Variants in ARNT2 observed in about 807,000 individuals in gnomAD.
ARNT2 encodes the protein aryl hydrocarbon receptor nuclear translocator 2.
A neutral mutation model predicts 91.7 loss-of-function variants in ARNT2; 36 were observed. The observed-to-expected ratio is 0.39, with a 90% CI of 0.30 to 0.52. The LOEUF (loss-of-function observed/expected upper bound fraction) is 0.52. Ranked by LOEUF, ARNT2 falls within the 20% of genes least tolerant of loss-of-function variation. The pLI is 0.72. For missense variants in ARNT2, 775 were observed against 939.3 expected (o/e 0.83, Z 2.29); for synonymous variants, 365 against 347.1 (o/e 1.05, Z -0.57).
chr15:80,488,430 C>G (rs763459213), intron 5 of ARNT2: 6 of 152,144 alleles, frequency 3.9e-5, no homozygotes, highest in Admixed American at 6.5e-5. Flanking sequence ...TTTCTTGAAA[C>G]AAGGCATACC....
At chr15:80,491,634 T>C (rs144520107) in intron 5 of ARNT2, among the ~76,000 whole-genome samples, 1 of 152,160 alleles carries the variant, frequency 6.6e-6, no homozygotes, top group Non-Finnish European at 1.5e-5. Flanking sequence ...GTTAACATGA[T>C]CCAATTTGCA....
intron 5 of ARNT2, among the ~76,000 whole-genome samples, chr15:80,489,837 A>G (rs143099601): frequency 2.6e-4 from 40 of 152,206 alleles, no homozygotes; most frequent in Middle Eastern, 6.8e-3. Context: ...AAGAGCATGG[A>G]CTTTCTGCCT....
intron 8 of ARNT2, among the ~76,000 whole-genome samples, chr15:80,520,355 T>C (rs1013333604): frequency 8.5e-5 from 13 of 152,164 alleles, no homozygotes; most frequent in Non-Finnish European, 1.9e-4. Flanking sequence ...ACACTGGATA[T>C]TTTTTATTTC....
At chr15:80,412,307 A>G (rs1353779216) in intron 1 of ARNT2, among the ~76,000 whole-genome samples, 1 of 152,218 alleles carries the variant, frequency 6.6e-6, no homozygotes, top group Admixed American at 6.5e-5. Flanking sequence ...TACAAAGCAG[A>G]GGTTGGAGCT....
intron 8 of ARNT2, among the ~76,000 whole-genome samples, chr15:80,522,990 A>G (rs1050503998): frequency 6.6e-6 from 1 of 152,110 alleles, no homozygotes; most frequent in African/African-American, 2.4e-5. Context: ...TTATAGATCC[A>G]GAAAGTCTTG....
At chr15:80,420,886 A>G (rs1209151476) in intron 1 of ARNT2, among the ~76,000 whole-genome samples, 3 of 152,152 alleles carry the variant, frequency 2.0e-5, no homozygotes, top group Non-Finnish European at 4.4e-5. Flanking sequence ...CTACTGCAAA[A>G]GGTTTGGCAG....
At chr15:80,538,436 T>C (rs575124105) in intron 8 of ARNT2, among the ~76,000 whole-genome samples, 2 of 152,236 alleles carry the variant, frequency 1.3e-5, no homozygotes, top group East Asian at 3.9e-4. Flanking sequence ...TAAAAATTCA[T>C]AACAAAAAGT....
chr15:80,574,068 G>A (rs1028820371), intron 12 of ARNT2, 80 bp from the exon 13 acceptor site: 2 of 1,165,234 alleles, frequency 1.7e-6, no homozygotes, highest in Non-Finnish European at 2.6e-6. Context: ...CTGCCTCTGA[G>A]GTATGGGAAA....
At chr15:80,425,681 A>G (rs887717434) in intron 1 of ARNT2, among the ~76,000 whole-genome samples, 8 of 151,888 alleles carry the variant, frequency 5.3e-5, no homozygotes, top group African/African-American at 1.5e-4. Context: ...CCCATTTTCT[A>G]ATTTCCCTCC....
chr15:80,470,562 T>A, intron 4 of ARNT2, 131 bp downstream of exon 4: 2 of 1,063,660 alleles, frequency 1.9e-6, no homozygotes, highest in Non-Finnish European at 2.7e-6. Context: ...GTTTCCATTT[T>A]TCTCCAAGAA....
chr15:80,557,899 CTT>C (rs1898226977), intron 11 of ARNT2, among the ~76,000 whole-genome samples: 1 of 152,190 alleles, frequency 6.6e-6, no homozygotes, highest in East Asian at 1.9e-4. Context: ...TTTGCCACGT[CTT>C]TACTTAAAAC....
chr15:80,461,013 G>A (rs796159221), intron 3 of ARNT2, among the ~76,000 whole-genome samples: 4 of 152,162 alleles, frequency 2.6e-5, no homozygotes, highest in South Asian at 2.1e-4. Flanking sequence ...TAATTCTCGT[G>A]GCTTCCATTG....
intron 8 of ARNT2, among the ~76,000 whole-genome samples, chr15:80,527,575 A>T (rs1897658439): frequency 6.6e-6 from 1 of 152,230 alleles, no homozygotes; most frequent in Non-Finnish European, 1.5e-5. Context: ...TCATTTGCAA[A>T]TGATCACTAT....
At chr15:80,538,923 T>A (rs898976060) in intron 8 of ARNT2, among the ~76,000 whole-genome samples, 2 of 152,114 alleles carry the variant, frequency 1.3e-5, no homozygotes, top group African/African-American at 2.4e-5. Context: ...GAACAAATAG[T>A]GTGCATAACT....
At chr15:80,569,378 G>A (rs1022184437) in intron 12 of ARNT2, among the ~76,000 whole-genome samples, 1 of 152,214 alleles carries the variant, frequency 6.6e-6, no homozygotes, top group African/African-American at 2.4e-5. Context: ...CTGTCAGTCA[G>A]TTTTCTCCTG....
At chr15:80,460,927 C>T (rs1165224519) in intron 3 of ARNT2, among the ~76,000 whole-genome samples, 1 of 152,116 alleles carries the variant, frequency 6.6e-6, no homozygotes, top group Non-Finnish European at 1.5e-5. Flanking sequence ...AGGGAGTACT[C>T]ATGCTCCAAG....
chr15:80,467,236 G>A (rs1012820252), intron 3 of ARNT2, among the ~76,000 whole-genome samples: 2 of 152,236 alleles, frequency 1.3e-5, no homozygotes, highest in African/African-American at 4.8e-5. Flanking sequence ...TTGGTGACAA[G>A]GGGAAAAGTG....
chr15:80,567,186 A>G (rs1198829638), intron 12 of ARNT2, among the ~76,000 whole-genome samples: 1 of 152,180 alleles, frequency 6.6e-6, no homozygotes. Context: ...GCCTTTCAGG[A>G]GCTCTTGAGA....
intron 12 of ARNT2, among the ~76,000 whole-genome samples, chr15:80,564,571 T>C (rs574341346): frequency 6.6e-5 from 10 of 152,146 alleles, no homozygotes; most frequent in Admixed American, 2.6e-4. Flanking sequence ...TATGCAGGTT[T>C]GTTACATGGA....
Sources: gnomAD v4.1 joint callset for allele counts (sites outside exome capture counted in the v4.1 genomes callset) on GRCh38, gnomAD v4.1.1 for gene constraint, MANE v1.5 for transcripts, NCBI Gene and HGNC (gene_info 2026-07-23, HGNC 2026-07-21) for gene names.